The following CCSER1 variants were observed in gnomAD, a reference collection of about 807,000 sequenced individuals.
CCSER1 encodes serine-rich coiled-coil domain-containing protein 1.
A neutral mutation model predicts 82.0 loss-of-function variants in CCSER1; 41 were observed. That is an observed-to-expected ratio of 0.50 (90% CI 0.39 to 0.65). The LOEUF is 0.65. Among genes scored for constraint, CCSER1 ranks in the 30% least tolerant of loss-of-function variants. The probability of loss-of-function intolerance (pLI) is 0.00; values close to 1 mark genes in which losing one functional copy is unlikely to be tolerated. For synonymous variants in CCSER1, 414 were observed against 383.9 expected, an observed-to-expected ratio of 1.08 and a Z score of -0.92; for missense variants, 1,119 against 1,064.2, an observed-to-expected ratio of 1.05 and a Z score of -0.72.
At chr4:91,194,734 A>G (rs1344496352) in intron 10 of CCSER1, among the ~76,000 whole-genome samples, 1 of 152,190 alleles carries the variant, frequency 6.6e-6, no homozygotes, top group African/African-American at 2.4e-5. Flanking sequence ...CAAATGGACT[A>G]CAGTTTCATG....
In CCSER1 at chr4:90,139,329, T is replaced by A. The variant is rs909032563; in HGVS notation, c.-42+11498T>A. ...GGGATATTTTCTGAACAGTTTAGGT[T>A]CCATGGTTTCTATTTTGGTCAGAAA... On this transcript the variant is annotated intron_variant, in intron 1 of 10. Transcript: ENST00000509176. Among the ~76,000 whole-genome samples the A allele has an allele frequency of 2.6e-5, 4 of 152,334 alleles. No homozygotes were observed. In the South Asian group the frequency reaches 6.2e-4, roughly 24 times the overall value.
At chr4:90,806,884 C>G (rs991248084) in intron 7 of CCSER1, among the ~76,000 whole-genome samples, 17 of 150,518 alleles carry the variant, frequency 1.1e-4, no homozygotes, top group African/African-American at 3.4e-4. Context: ...TTTTTCTTCA[C>G]ATTTCCTTTC....
At chr4:90,568,644 C>G (rs1203600603) in intron 5 of CCSER1, among the ~76,000 whole-genome samples, 2 of 151,838 alleles carry the variant, frequency 1.3e-5, no homozygotes, top group African/African-American at 4.8e-5. Flanking sequence ...AAATTTAATC[C>G]ATTTACATTC....
intron 1 of CCSER1, among the ~76,000 whole-genome samples, chr4:90,287,274 G>A (rs1278537294): frequency 6.6e-6 from 1 of 151,816 alleles, no homozygotes; most frequent in African/African-American, 2.4e-5. Flanking sequence ...TTATTTAGAA[G>A]TAAAATGTAT....
chr4:90,816,807 T>C (rs1759079203), intron 8 of CCSER1, among the ~76,000 whole-genome samples: 1 of 152,130 alleles, frequency 6.6e-6, no homozygotes, highest in African/African-American at 2.4e-5. Flanking sequence ...ACCATCGAAC[T>C]TCTGAGGACT....
chr4:91,467,956 G>T (rs1757024837), intron 10 of CCSER1, among the ~76,000 whole-genome samples: 1 of 152,118 alleles, frequency 6.6e-6, no homozygotes, highest in African/African-American at 2.4e-5. Flanking sequence ...ATTCCTCAGG[G>T]ATCTAGAACT....
At chr4:91,143,022 G>A (rs769052609) in intron 10 of CCSER1, among the ~76,000 whole-genome samples, 10 of 151,934 alleles carry the variant, frequency 6.6e-5, no homozygotes, top group Middle Eastern at 3.2e-3. Flanking sequence ...GAAAAATGAT[G>A]TCGCTAATTT....
intron 10 of CCSER1, among the ~76,000 whole-genome samples, chr4:91,293,965 G>C (rs1479271553): frequency 1.3e-5 from 2 of 151,830 alleles, no homozygotes; most frequent in Non-Finnish European, 2.9e-5. Flanking sequence ...TAAGAGCTTA[G>C]AGTCTTCCTT....
intron 10 of CCSER1, among the ~76,000 whole-genome samples, chr4:91,128,735 G>C (rs1012816450): frequency 6.6e-6 from 1 of 152,030 alleles, no homozygotes; most frequent in Non-Finnish European, 1.5e-5. Flanking sequence ...CTGAGTTTAT[G>C]AATGTTCTCT....
intron 10 of CCSER1, among the ~76,000 whole-genome samples, chr4:91,090,722 G>A (rs35354572): frequency 0.077 from 11,747 of 152,148 alleles, 574 homozygotes; most frequent in South Asian, 0.2. Flanking sequence ...CTACATGCTC[G>A]GCTAATTGCA....
intron 10 of CCSER1, among the ~76,000 whole-genome samples, chr4:91,139,666 A>G (rs901691423): frequency 4.6e-5 from 7 of 152,186 alleles, no homozygotes; most frequent in African/African-American, 1.7e-4. Context: ...AAAATATCAT[A>G]AATATTTGTG....
At chr4:90,442,948 A>AT (rs1461200286) in intron 4 of CCSER1, among the ~76,000 whole-genome samples, 1 of 150,894 alleles carries the variant, frequency 6.6e-6, no homozygotes, top group African/African-American at 2.5e-5. Flanking sequence ...CCTCAGGGAT[A>AT]CATTCTAAGA....
intron 10 of CCSER1, among the ~76,000 whole-genome samples, chr4:91,343,660 A>C (rs73835149): frequency 0.066 from 10,086 of 152,158 alleles, 1,104 homozygotes; most frequent in African/African-American, 0.23. Flanking sequence ...TTGAGATAGA[A>C]TTTTTAATCA....
At chr4:91,114,585 AG>A (rs1726385701) in intron 10 of CCSER1, among the ~76,000 whole-genome samples, 1 of 152,306 alleles carries the variant, frequency 6.6e-6, no homozygotes, top group African/African-American at 2.4e-5. Context: ...GAGGGTGCTT[AG>A]GCCTGAATGC....
intron 5 of CCSER1, among the ~76,000 whole-genome samples, chr4:90,509,157 T>A (rs909999891): frequency 6.6e-6 from 1 of 152,112 alleles, no homozygotes; most frequent in Non-Finnish European, 1.5e-5. Context: ...TCAATGAGTA[T>A]GTGGATGTGT....
chr4:90,574,251 A>ATTTTTTTTTTTTTTTTTTTTTT (rs777629017), intron 5 of CCSER1, among the ~76,000 whole-genome samples: 1 of 86,048 alleles, frequency 1.2e-5, no homozygotes, highest in African/African-American at 6.1e-5. Flanking sequence ...AAACACATTA[A>ATTTTTTTTTTTTTTTTTTTTTT]TTTTTTTTTT....
At chr4:91,435,783 A>T (rs907372882) in intron 10 of CCSER1, among the ~76,000 whole-genome samples, 1 of 152,208 alleles carries the variant, frequency 6.6e-6, no homozygotes, top group African/African-American at 2.4e-5. Context: ...GCATGCTTTC[A>T]TGTAAAACAA....
At chr4:90,536,455 T>C (rs1381624080) in intron 5 of CCSER1, among the ~76,000 whole-genome samples, 2 of 152,336 alleles carry the variant, frequency 1.3e-5, no homozygotes, top group East Asian at 3.9e-4. Flanking sequence ...AAAAACATAC[T>C]CATGGCTCAT....
At chr4:90,745,815 G>A (rs1747347425) in intron 7 of CCSER1, among the ~76,000 whole-genome samples, 1 of 148,956 alleles carries the variant, frequency 6.7e-6, no homozygotes, top group Admixed American at 6.8e-5. Context: ...TCAGGCTCCC[G>A]AGTAGCTGGG....
Sources: allele counts gnomAD v4.1 joint callset (sites outside exome capture counted in the v4.1 genomes callset), GRCh38; gene constraint gnomAD v4.1.1; transcripts MANE v1.5; gene names NCBI Gene and HGNC (gene_info 2026-07-23, HGNC 2026-07-21).